The following MEPE variants were observed in gnomAD, a reference collection of about 807,000 sequenced individuals.
MEPE encodes the protein matrix, extracellular phosphoglycoprotein with ASARM motif (bone).
Under a neutral mutation model 7.3 loss-of-function variants are expected in MEPE, and 7 were observed. That is an observed-to-expected ratio of 0.95 (90% confidence interval 0.54 to 1.79). MEPE has a LOEUF of 1.79. MEPE is among the 40% of genes most tolerant of loss of function. The pLI, the probability that MEPE is intolerant of heterozygous loss-of-function variation, is 0.00. For synonymous variants in MEPE, 214 were observed against 213.1 expected, an observed-to-expected ratio of 1.00 and a Z score of -0.04; for missense variants, 623 against 628.2, an observed-to-expected ratio of 0.99 and a Z score of 0.09.
intron 1 of MEPE, among the ~76,000 whole-genome samples, chr4:87,824,968 G>A (rs1277781756): frequency 5.3e-5 from 8 of 152,026 alleles, no homozygotes; most frequent in Non-Finnish European, 8.8e-5. Flanking sequence ...CTGCCTCAGC[G>A]GCCCCAAGAG....
At position 87,823,602 on chromosome 4, in the gene MEPE, T is replaced by A. The variant is rs373647048; in HGVS notation, c.-13+2131T>A. ...TTGTTTCTGATGCGGGCTTCAAGAG[T>A]CTATTTCAGCAGTAAGAAAACAAAT... On this transcript the variant is annotated intron_variant, in intron 1 of 3. Transcript: ENST00000424957. Among the ~76,000 whole-genome samples the A allele has an allele frequency of 2.0e-5, 3 of 152,144 alleles. No individual in the cohort carries two copies. In the East Asian group the frequency reaches 5.8e-4, roughly 29 times the overall value.
chr4:87,842,070 G>A (rs766376602), intron 3 of MEPE, among the ~76,000 whole-genome samples: 1 of 152,206 alleles, frequency 6.6e-6, no homozygotes, highest in Non-Finnish European at 1.5e-5. Context: ...CTAAGGCTCA[G>A]AGAAGTAAAA....
intron 1 of MEPE, among the ~76,000 whole-genome samples, chr4:87,833,812 G>A (rs1019672202): frequency 1.2e-4 from 18 of 152,020 alleles, no homozygotes; most frequent in Non-Finnish European, 2.5e-4. Context: ...ACATCATTTT[G>A]TTGAGCCCAA....
chr4:87,845,535 C>G lies in MEPE; in HGVS notation c.667C>G (p.Leu223Val). Residue 223 changes from leucine (L) to valine (V), a missense_variant, in exon 4 of 4, where the codon CTA (leucine) becomes GTA (valine). By Grantham distance (32) the Leu-to-Val change is conservative. Coordinates refer to ENST00000361056, the MANE Select transcript of MEPE (RefSeq NM_020203.6). ...THRIQHNIDYLKHLSKVKKIP... is the reference protein window; with the variant it reads ...THRIQHNIDYVKHLSKVKKIP... ...TCGTATTCAACACAACATTGACTAC[C>G]TAAAACATCTCTCAAAAGTCAAAAA... 3 of 1,612,312 alleles carry G rather than the reference C, an allele frequency of 1.9e-6. No homozygotes were observed. The highest frequency in any genetic ancestry group is 2.5e-6 in the Non-Finnish European group (3 of 1,179,570).
intron 3 of MEPE, among the ~76,000 whole-genome samples, chr4:87,842,215 C>G (rs1266071985): frequency 6.6e-6 from 1 of 152,172 alleles, no homozygotes; most frequent in East Asian, 1.9e-4. Context: ...GCAATTCCTG[C>G]CTACTGTTTC....
At chr4:87,832,850 C>A (rs1195281028), upstream of MEPE, 1 of 152,146 alleles carries the variant, frequency 6.6e-6, no homozygotes, top group Admixed American at 6.6e-5. Flanking sequence ...ACTTCACCCC[C>A]TATGGTTATC....
intron 1 of MEPE, among the ~76,000 whole-genome samples, chr4:87,823,481 T>C (rs1390634369): frequency 2.6e-5 from 4 of 152,330 alleles, no homozygotes; most frequent in African/African-American, 9.6e-5. Context: ...GCATCCTTCA[T>C]AGTTGGCCAT....
At position 87,839,599 on chromosome 4, in the gene MEPE, T is replaced by C. The variant is rs1722932200; in HGVS notation, c.108+914T>C. The stretch of plus-strand genomic sequence containing the variant: ...GTAGAATTCAACTTCACCCAACTTT[T>C]AAAGTTTCTTATATTATTACAAAGA... On this transcript the variant is annotated intron_variant, in intron 3 of 3. Coordinates refer to ENST00000361056, the MANE Select transcript of MEPE (RefSeq NM_020203.6). The C allele has an allele frequency of 3.3e-6, 3 of 913,746 alleles. No individual in the cohort carries two copies. The East Asian group carries it at 7.9e-5, about 24-fold the overall frequency. 56.6% of individuals were successfully genotyped at this position (913,746 alleles called of 1,614,324 possible). A position where few individuals can be genotyped will look rare whatever the true frequency, so the allele number is the denominator to read the frequency against.
chr4:87,827,805 C>T (rs954930475), intron 1 of MEPE, among the ~76,000 whole-genome samples: 1 of 152,126 alleles, frequency 6.6e-6, no homozygotes, highest in Non-Finnish European at 1.5e-5. Context: ...AAACAAAAAG[C>T]CCAGAGGAAT....
intron 1 of MEPE, among the ~76,000 whole-genome samples, chr4:87,826,224 C>CT (rs35526382): frequency 0.18 from 25,507 of 144,194 alleles, 2,422 homozygotes; most frequent in Non-Finnish European, 0.23. Flanking sequence ...TCTTTATATT[C>CT]TTTTTTTTTT....
At chr4:87,821,685 A>T (rs951587086) in intron 1 of MEPE, among the ~76,000 whole-genome samples, 1 of 152,178 alleles carries the variant, frequency 6.6e-6, no homozygotes, top group African/African-American at 2.4e-5. Context: ...CTTGTTATTT[A>T]TCCTAATGTG....
chr4:87,831,509 G>A (rs568376563), upstream of MEPE, among the ~76,000 whole-genome samples: 7 of 152,092 alleles, frequency 4.6e-5, no homozygotes, highest in East Asian at 3.9e-4. Context: ...ATATGACCAC[G>A]TCTCATCATC....
chr4:87,843,942 C>T (rs1723108279), intron 3 of MEPE, among the ~76,000 whole-genome samples: 1 of 152,180 alleles, frequency 6.6e-6, no homozygotes, highest in African/African-American at 2.4e-5. Context: ...GCTTCTTGCC[C>T]TGCTTCATTC....
chr4:87,845,329 T>A lies in MEPE; in HGVS notation c.461T>A (p.Ile154Lys), dbSNP rs370310408. 1.2e-6 allele frequency: 2 copies of A among 1,613,688 alleles called. No individual in the cohort carries two copies. The highest frequency in any genetic ancestry group is 1.3e-5 in the African/African-American group (1 of 74,826). The change falls in exon 4 of 4, where the codon ATA becomes AAA. Residue 154 changes from isoleucine (I) to lysine (K), a missense_variant. Transcript: ENST00000361056. The stretch of plus-strand genomic sequence containing the variant: ...CTCATCAGAAATAACATGCAACATA[T>A]AATGGGGCCAGTGACTGCGATTAAA... Reference protein sequence around the residue: ...AALIRNNMQHIMGPVTAIKLL... With the variant: ...AALIRNNMQHKMGPVTAIKLL...
upstream of MEPE, among the ~76,000 whole-genome samples, chr4:87,831,023 A>T (rs1722585291): frequency 6.6e-6 from 1 of 152,108 alleles, no homozygotes; most frequent in African/African-American, 2.4e-5. Context: ...GGTGTGTTTC[A>T]CTGTAGGTAG....
At chr4:87,834,846 T>C in intron 2 of MEPE, 78 bp downstream of exon 2, 2 of 1,226,150 alleles carry the variant, frequency 1.6e-6, no homozygotes, top group Non-Finnish European at 2.4e-6. Flanking sequence ...GCAACGTCTA[T>C]TTAAATTAGT....
intron 3 of MEPE, among the ~76,000 whole-genome samples, chr4:87,844,120 T>C (rs1723116644): frequency 6.6e-6 from 1 of 152,214 alleles, no homozygotes; most frequent in Non-Finnish European, 1.5e-5. Flanking sequence ...CTGCTCCTTT[T>C]AGAGCCACTT....
intron 2 of MEPE, chr4:87,837,564 C>T (rs1722847170): frequency 6.6e-6 from 1 of 152,250 alleles, no homozygotes; most frequent in Admixed American, 6.5e-5. Flanking sequence ...AGGAAGAACA[C>T]TTTCCAGGTA....
At chr4:87,828,234 C>T (rs186486599), upstream of MEPE, among the ~76,000 whole-genome samples, 1 of 152,296 alleles carries the variant, frequency 6.6e-6, no homozygotes, top group East Asian at 1.9e-4. Context: ...ACTTCAAAGA[C>T]TTCCCCACTG....
Sources: allele counts gnomAD v4.1 joint callset (sites outside exome capture counted in the v4.1 genomes callset), GRCh38; gene constraint gnomAD v4.1.1; transcripts MANE v1.5; gene names NCBI Gene and HGNC (gene_info 2026-07-23, HGNC 2026-07-21).